CRB1: variants seen among roughly 807,000 people sequenced by gnomAD.
CRB1 encodes the protein protein crumbs homolog 1.
In CRB1, 83 loss-of-function variants were observed where a neutral mutation model predicts 120.0. The observed-to-expected ratio is 0.69, with a 90% CI of 0.58 to 0.83. The LOEUF is 0.83. Ranked by LOEUF, CRB1 falls within the 40% of genes least tolerant of loss-of-function variation. The pLI, the probability that CRB1 is intolerant of heterozygous loss-of-function variation, is 0.00. For synonymous variants in CRB1, 625 were observed against 612.5 expected (o/e 1.02, Z -0.30); for missense variants, 1,699 against 1,687.6 (o/e 1.01, Z -0.12).
At chr1:197,426,030 A>T (rs558265392) in intron 6 of CRB1, among the ~76,000 whole-genome samples, 2 of 151,592 alleles carry the variant, frequency 1.3e-5, no homozygotes, top group South Asian at 4.2e-4. Context: ...TTCTGCTTGG[A>T]TATCCAAAAA....
At chr1:197,402,163 C>A (rs1663097616) in intron 5 of CRB1, among the ~76,000 whole-genome samples, 1 of 152,096 alleles carries the variant, frequency 6.6e-6, no homozygotes, top group African/African-American at 2.4e-5. Flanking sequence ...AAGCCTAGTA[C>A]TCAATAGTTA....
At chr1:197,417,332 G>T (rs761613592) in intron 5 of CRB1, among the ~76,000 whole-genome samples, 22 of 152,334 alleles carry the variant, frequency 1.4e-4, no homozygotes, top group Middle Eastern at 6.8e-3. Flanking sequence ...TTGCTGCTGT[G>T]CTGTGTTGGA....
At chr1:197,388,491 C>G (rs1662333521) in intron 5 of CRB1, among the ~76,000 whole-genome samples, 1 of 152,018 alleles carries the variant, frequency 6.6e-6, no homozygotes, top group Non-Finnish European at 1.5e-5. Context: ...TTCACTGGTC[C>G]AATGAAATAG....
At chr1:197,363,820 G>T in intron 5 of CRB1, 1 of 795,816 alleles carries the variant, frequency 1.3e-6, no homozygotes, top group Non-Finnish European at 2.2e-6. Flanking sequence ...CAAGTTCATG[G>T]CAAAACATCT....
chr1:197,236,802 G>C, the CRB1 span, among the ~76,000 whole-genome samples: 1 of 152,068 alleles, frequency 6.6e-6, no homozygotes, highest in African/African-American at 2.4e-5. Context: ...CTGTTGATGT[G>C]GTGGATTACA....
chr1:197,474,521 C>A (rs1020064220), intron 11 of CRB1, among the ~76,000 whole-genome samples: 1 of 152,166 alleles, frequency 6.6e-6, no homozygotes, highest in Non-Finnish European at 1.5e-5. Flanking sequence ...CAGGTCAGCC[C>A]TCTGGTTCAA....
chr1:197,342,047 T>A (rs1043702412), intron 2 of CRB1, among the ~76,000 whole-genome samples: 13 of 152,200 alleles, frequency 8.5e-5, no homozygotes, highest in African/African-American at 3.1e-4. Context: ...ATGACTAGCA[T>A]GTAGAATGAT....
At chr1:197,345,281 A>G (rs2125329746) in intron 3 of CRB1, among the ~76,000 whole-genome samples, 1 of 152,304 alleles carries the variant, frequency 6.6e-6, no homozygotes, top group South Asian at 2.1e-4. Flanking sequence ...CAAGATAAGT[A>G]TTTATGTTTC....
At position 197,435,476 on chromosome 1, in the gene CRB1, G is replaced by T; in HGVS notation, c.3613G>T (p.Gly1205Ter). Reference protein sequence around the residue: ...VAAYHCTCEPGYTGVNCEVDI... With the variant: ...VAAYHCTCEP ...AGCCTACCACTGCACATGTGAGCCT[G>T]GATACACTGGTGTGAACTGTGAAGT... The change falls in exon 9 of 12, where the codon GGA becomes TGA. Residue 1205 changes from glycine to a stop codon, truncating the protein, a stop_gained. Transcript: ENST00000367400. LOFTEE classifies it high-confidence loss of function. The T allele has an allele frequency of 6.2e-7, 1 of 1,602,226 alleles. No individual in the cohort carries two copies. The highest frequency in any genetic ancestry group is 1.7e-4 in the Middle Eastern group (1 of 5,978).
chr1:197,308,281 T>G (rs532547049), intron 1 of CRB1, among the ~76,000 whole-genome samples: 1 of 152,234 alleles, frequency 6.6e-6, no homozygotes, highest in South Asian at 2.1e-4. Flanking sequence ...TGTGGACTAC[T>G]TGGAGGGGGG....
intron 1 of CRB1, among the ~76,000 whole-genome samples, chr1:197,327,848 T>C (rs1246764450): frequency 4.6e-5 from 7 of 152,144 alleles, no homozygotes; most frequent in Non-Finnish European, 1.0e-4. Context: ...TGCTTTCCAA[T>C]TGTGTACATT....
In CRB1 at chr1:197,416,868, C is replaced by T. The variant is rs766263983; in HGVS notation, c.1172-4132C>T. Among the ~76,000 whole-genome samples the T allele has an allele frequency of 6.6e-5, 10 of 152,112 alleles. No homozygotes were observed. The South Asian group carries it at 1.7e-3, about 25-fold the overall frequency. ...GGGATTACAGGCACACGCCACCACG[C>T]CTGGCTAATTTTTGTATCTTTAGTA... is the stretch of plus-strand genomic sequence containing the variant. On this transcript the variant is annotated intron_variant, in intron 5 of 11. Transcript: ENST00000367400.
At chr1:197,376,684 A>G (rs1303815668) in intron 5 of CRB1, among the ~76,000 whole-genome samples, 2 of 152,134 alleles carry the variant, frequency 1.3e-5, no homozygotes, top group Non-Finnish European at 2.9e-5. Flanking sequence ...AACTACTTCA[A>G]TAGCCTAATG....
At chr1:197,328,266 A>T (rs1371511838) in intron 1 of CRB1, among the ~76,000 whole-genome samples, 156 bp from the exon 2 acceptor site, 1 of 152,238 alleles carries the variant, frequency 6.6e-6, no homozygotes, top group Non-Finnish European at 1.5e-5. Context: ...TGTGCTAGGT[A>T]TAGTAATGTA....
At chr1:197,471,082 C>A (rs917312646) in intron 11 of CRB1, among the ~76,000 whole-genome samples, 1 of 152,022 alleles carries the variant, frequency 6.6e-6, no homozygotes, top group Admixed American at 6.6e-5. Flanking sequence ...GTTCTAGCCT[C>A]TTCCTTCCTA....
chr1:197,325,759 T>C (rs1236420057), intron 1 of CRB1, among the ~76,000 whole-genome samples: 1 of 152,124 alleles, frequency 6.6e-6, no homozygotes, highest in African/African-American at 2.4e-5. Flanking sequence ...ATGAATAAAT[T>C]CCCAAATAAC....
chr1:197,294,785 T>G (rs1656418641), intron 1 of CRB1, among the ~76,000 whole-genome samples: 1 of 152,090 alleles, frequency 6.6e-6, no homozygotes, highest in Admixed American at 6.6e-5. Flanking sequence ...AAACTATCAT[T>G]CTCAGCAAAC....
the CRB1 span, among the ~76,000 whole-genome samples, chr1:197,204,569 G>T: frequency 6.6e-6 from 1 of 152,052 alleles, no homozygotes; most frequent in Non-Finnish European, 1.5e-5. Context: ...TTGGCCATTT[G>T]TATATCTTCT....
At chr1:197,275,067 T>C (rs7528258) in intron 1 of CRB1, among the ~76,000 whole-genome samples, 24,584 of 151,984 alleles carry the variant, frequency 0.16, 2,248 homozygotes, top group Middle Eastern at 0.24. Context: ...CGGGTGTTTC[T>C]TAGCTTGCAA....
Sources: allele counts gnomAD v4.1 joint callset (sites outside exome capture counted in the v4.1 genomes callset), GRCh38; gene constraint gnomAD v4.1.1; transcripts MANE v1.5; gene names NCBI Gene and HGNC (gene_info 2026-07-23, HGNC 2026-07-21).